The following CNGB1 variants were observed in gnomAD, a reference collection of about 807,000 sequenced individuals.
The protein encoded by CNGB1 is cyclic nucleotide gated channel subunit beta 1, also known as cyclic nucleotide-gated channel beta-1.
Under a neutral mutation model 151.7 loss-of-function variants are expected in CNGB1, and 126 were observed. That is an observed-to-expected ratio of 0.83 (90% CI 0.72 to 0.96). The LOEUF is 0.96. Among genes scored for constraint, CNGB1 ranks in the 40% least tolerant of loss-of-function variants. CNGB1 has a pLI of 0.00. For synonymous variants in CNGB1, 623 were observed against 635.1 expected, an observed-to-expected ratio of 0.98 and a Z score of 0.29; for missense variants, 1,698 against 1,627.0, an observed-to-expected ratio of 1.04 and a Z score of -0.75.
chr16:57,905,573 G>T (rs576007232), intron 25 of CNGB1, among the ~76,000 whole-genome samples: 1 of 152,370 alleles, frequency 6.6e-6, no homozygotes, highest in South Asian at 2.1e-4. Context: ...GCTCCAGTCT[G>T]AATGTGTCCC....
chr16:57,904,077 C>T (rs989974289), intron 26 of CNGB1, 96 bp from the exon 27 acceptor site: 66 of 1,127,030 alleles, frequency 5.9e-5, no homozygotes, highest in Middle Eastern at 2.7e-4. Context: ...ACACAGACCA[C>T]GGGCATGTGC....
Position 57,920,534 on chromosome 16 carries a change from G to T in CNGB1, c.1654C>A (p.Arg552Ser), listed in dbSNP as rs370932519. The change falls in exon 19 of 33, where the codon CGT becomes AGT. Residue 552 changes from arginine (R) to serine (S), a missense_variant. Coordinates refer to ENST00000251102, the MANE Select transcript of CNGB1 (RefSeq NM_001297.5). ...TTPKDTDGQDRAASTASTNSA... is the reference protein window; with the variant it reads ...TTPKDTDGQDSAASTASTNSA... ...TTTGTGCTGGCCGTGGAGGCCGCAC[G>T]GTCCTGGCCACTGTGGGAACATCAC... is the stretch of plus-strand genomic sequence containing the variant. 1 of 1,612,862 alleles carries T rather than the reference G, an allele frequency of 6.2e-7. No homozygotes were observed. The highest frequency in any genetic ancestry group is 1.1e-5 in the South Asian group (1 of 91,060).
At chr16:57,902,045 TTTG>T (rs1440618564) in intron 27 of CNGB1, among the ~76,000 whole-genome samples, 1 of 151,882 alleles carries the variant, frequency 6.6e-6, no homozygotes, top group Non-Finnish European at 1.5e-5. Context: ...ACCTGTTTTT[TTTG>T]TTGTTGTTAT....
At chr16:57,938,763 A>T (rs1340853114) in intron 16 of CNGB1, among the ~76,000 whole-genome samples, 1 of 152,120 alleles carries the variant, frequency 6.6e-6, no homozygotes, top group Non-Finnish European at 1.5e-5. Flanking sequence ...TAAGGCACGC[A>T]ACACCTGCCG....
intron 31 of CNGB1, among the ~76,000 whole-genome samples, chr16:57,892,849 C>A (rs1221312200): frequency 6.6e-6 from 1 of 152,182 alleles, no homozygotes; most frequent in Non-Finnish European, 1.5e-5. Flanking sequence ...TGAAATGCCA[C>A]CTGCTCAGAG....
rs1399872982 is a variant in CNGB1 at position 57,882,964 on chromosome 16, C to T, written c.*1200G>A. On this transcript the variant is annotated 3_prime_UTR_variant, in exon 33 of 33. Transcript: ENST00000251102. ...TGTCAAAAGTGAGTAACGGACTGAT[C>T]CCTGCTGGCGAATGGGGTTTCTCAG... is the stretch of plus-strand genomic sequence containing the variant. 1 of 152,112 alleles carries T rather than the reference C, an allele frequency of 6.6e-6. No homozygotes were observed. Among genetic ancestry groups the T allele is most frequent in the African/African-American group, 2.4e-5 (1 of 41,434 alleles). The allele number at this position is 152,112 out of a possible 1,614,324, so 9.4% of individuals were successfully genotyped here.
chr16:57,967,251 G>A lies in CNGB1; in HGVS notation c.36C>T (p.Pro12=). Residue 12 remains proline, a synonymous_variant, in exon 2 of 33, where the codon CCC becomes CCT. Transcript: ENST00000251102. ...LGWVQRVLPQ[P]PGTPRKTKMQ... is the part of the protein sequence containing the mutation. ...TCTTGGTCTTCCGAGGGGTCCCTGG[G>A]GGCTGAGGCAGCACCCTCTGGACCC... The A allele has an allele frequency of 6.2e-7, 1 of 1,614,130 alleles. No individual in the cohort carries two copies.
intron 23 of CNGB1, 79 bp from the exon 24 acceptor site, chr16:57,913,073 T>C: frequency 7.6e-7 from 1 of 1,321,556 alleles, no homozygotes; most frequent in Non-Finnish European, 1.1e-6. Context: ...GCGCCGAGAC[T>C]CAGGGCTCTT....
chr16:57,886,582 G>A (rs1461068248), intron 32 of CNGB1, among the ~76,000 whole-genome samples: 1 of 152,148 alleles, frequency 6.6e-6, no homozygotes, highest in Non-Finnish European at 1.5e-5. Flanking sequence ...ATCTGGATGG[G>A]TCTCCTGGAC....
rs1197546239 is a variant in CNGB1, at chr16:57,964,521, C to T, written c.183G>A (p.Glu61=). The T allele has an allele frequency of 4.3e-6, 7 of 1,614,052 alleles. No homozygotes were observed. Among genetic ancestry groups the T allele is most frequent in the African/African-American group, 2.7e-5 (2 of 74,946 alleles). The change falls in exon 3 of 33, where the codon GAG becomes GAA. Residue 61 remains glutamate, a synonymous_variant. Transcript: ENST00000251102. ...ESMPPEESFK[E]EEVAVADPSP... ...TTGGGTCTGCCACAGCCACTTCCTC[C>T]TCCTTGAATGACTCTTCGGGGGGCT...
At chr16:57,889,735 G>A (rs899058506) in intron 31 of CNGB1, among the ~76,000 whole-genome samples, 1 of 152,144 alleles carries the variant, frequency 6.6e-6, no homozygotes, top group African/African-American at 2.4e-5. Flanking sequence ...GAGGGGGTGA[G>A]TAACTTTCCC....
intron 4 of CNGB1, among the ~76,000 whole-genome samples, chr16:57,963,345 G>T (rs555615924): frequency 6.6e-6 from 1 of 152,198 alleles, no homozygotes; most frequent in Non-Finnish European, 1.5e-5. Context: ...AATAGGGGAT[G>T]CTGATGCTTC....
At chr16:57,938,752 G>A (rs1485574476) in intron 16 of CNGB1, among the ~76,000 whole-genome samples, 1 of 152,156 alleles carries the variant, frequency 6.6e-6, no homozygotes, top group Admixed American at 6.5e-5. Context: ...AATGTGGAGT[G>A]TAAGGCACGC....
At position 57,944,043 on chromosome 16, in the gene CNGB1, AC is replaced by A. The variant is rs1597000644; in HGVS notation, c.1122-3723del. ...GCTGGGAGTACAGGCCCATGTTACC[AC>A]ACCCGGCTAATTTTTGTATTTTTAG... On this transcript the variant is annotated intron_variant, in intron 14 of 32. Transcript: ENST00000251102. Among the ~76,000 whole-genome samples the A allele has an allele frequency of 2.6e-5, 4 of 151,842 alleles. No individual in the cohort carries two copies. The South Asian group carries it at 6.3e-4, about 24-fold the overall frequency.
chr16:57,905,844 C>T (rs1960535529), intron 25 of CNGB1, among the ~76,000 whole-genome samples: 1 of 152,262 alleles, frequency 6.6e-6, no homozygotes, highest in Non-Finnish European at 1.5e-5. Flanking sequence ...GATGCCAGCA[C>T]CTTGATCTTG....
intron 12 of CNGB1, among the ~76,000 whole-genome samples, chr16:57,952,875 T>TCTG (rs140167820): frequency 0.029 from 4,437 of 152,154 alleles, 212 homozygotes; most frequent in African/African-American, 0.1. Context: ...AGCTAAAGAT[T>TCTG]CTGCAGCACT....
intron 27 of CNGB1, among the ~76,000 whole-genome samples, chr16:57,903,189 T>TTC (rs1960436654): frequency 1.3e-5 from 2 of 148,438 alleles, no homozygotes; most frequent in African/African-American, 4.9e-5. Context: ...TTCTTCCTTT[T>TTC]TTTTTTTTTT....
chr16:57,917,393 G>C lies in CNGB1; in HGVS notation c.2041C>G (p.Pro681Ala). 6.2e-7 allele frequency: 1 copy of C among 1,614,076 alleles called. No homozygotes were observed. The highest frequency in any genetic ancestry group is 8.5e-7 in the Non-Finnish European group (1 of 1,180,014). ...CWLIPVRWAF[P>A]YQTPDNIHHW... Reference sequence around the variant, plus strand: ...TGGATGTTGTCCGGGGTCTGGTAGGGGAAGGCCCAGCGCACGGGAATCAGC... The same window carrying C: ...TGGATGTTGTCCGGGGTCTGGTAGGCGAAGGCCCAGCGCACGGGAATCAGC... The change falls in exon 21 of 33, where the codon CCC becomes GCC. Residue 681 changes from proline to alanine, a missense_variant. Pro to Ala is a conservative substitution (Grantham distance 27, BLOSUM62 -1). Coordinates refer to ENST00000251102, the MANE Select transcript of CNGB1 (RefSeq NM_001297.5).
chr16:57,959,903 G>A lies in CNGB1; in HGVS notation c.746C>T (p.Thr249Ile), dbSNP rs556681458. The A allele has an allele frequency of 5.2e-6, 8 of 1,550,528 alleles. No individual in the cohort carries two copies. The highest frequency in any genetic ancestry group is 6.1e-6 in the Non-Finnish European group (7 of 1,147,318). ...SQAQTSSLPP[T>I]RDPARLVAWV... ...GGTGGCTCACCTGGCAGGGTCCCTG[G>A]TTGGTGGCAGGGAGGAGGTCTGGGC... The change falls in exon 10 of 33, where the codon ACC becomes ATC. Residue 249 changes from threonine to isoleucine, a missense_variant. Physicochemically the swap from Thr to Ile is moderately conservative, Grantham distance 89 (BLOSUM62 -1). Coordinates refer to ENST00000251102, the MANE Select transcript of CNGB1 (RefSeq NM_001297.5).
Sources: gnomAD v4.1 joint callset for allele counts (sites outside exome capture counted in the v4.1 genomes callset) on GRCh38, gnomAD v4.1.1 for gene constraint, MANE v1.5 for transcripts, NCBI Gene and HGNC (gene_info 2026-07-23, HGNC 2026-07-21) for gene names.